LRRC37A2: variants seen among roughly 807,000 people sequenced by gnomAD.
LRRC37A2 encodes leucine-rich repeat-containing protein 37A2.
In LRRC37A2, 9 loss-of-function variants were observed where a neutral mutation model predicts 68.8. That is an observed-to-expected ratio of 0.13 (90% CI 0.08 to 0.23). The LOEUF is 0.23. Ranked by LOEUF, LRRC37A2 falls within the 10% of genes least tolerant of loss-of-function variation. The pLI, the probability that LRRC37A2 is intolerant of heterozygous loss-of-function variation, is 1.00. For synonymous variants in LRRC37A2, 63 were observed against 367.6 expected (o/e 0.17, Z 9.48); for missense variants, 168 against 950.4 (o/e 0.18, Z 10.82).
At chr17:46,859,049 T>C in the LRRC37A2 span, among the ~76,000 whole-genome samples, 1 of 150,878 alleles carries the variant, frequency 6.6e-6, no homozygotes, top group Non-Finnish European at 1.5e-5. Context: ...TGATCTCGGC[T>C]CACTGCAACC....
At chr17:46,530,020 GTTGT>G (rs2053430352) in intron 6 of LRRC37A2, among the ~76,000 whole-genome samples, 2 of 146,434 alleles carry the variant, frequency 1.4e-5, no homozygotes, top group African/African-American at 5.1e-5. Context: ...ACTTTGCCAA[GTTGT>G]TTGGCTACAT....
the LRRC37A2 span, among the ~76,000 whole-genome samples, chr17:46,975,920 A>AGTT: frequency 3.2e-4 from 49 of 151,782 alleles, 1 homozygote; most frequent in Middle Eastern, 6.8e-3. Flanking sequence ...AAATGATAAA[A>AGTT]GTTGTTGTTG....
the LRRC37A2 span, among the ~76,000 whole-genome samples, chr17:46,915,031 A>G: frequency 6.6e-6 from 1 of 152,302 alleles, no homozygotes; most frequent in African/African-American, 2.4e-5. Context: ...TTGGTTATCT[A>G]TTGCTGCATA....
At chr17:46,575,606 A>C in the LRRC37A2 span, among the ~76,000 whole-genome samples, 8 of 110,940 alleles carry the variant, frequency 7.2e-5, no homozygotes, top group Admixed American at 4.5e-4. Flanking sequence ...TTGCCAAGCA[A>C]ATGGGGTTAA....
At chr17:46,818,410 G>T in the LRRC37A2 span, 3 of 1,125,636 alleles carry the variant, frequency 2.7e-6, no homozygotes, top group Admixed American at 2.0e-5. Context: ...GGAGGGAGGC[G>T]AGGAGAGGAG....
the LRRC37A2 span, chr17:46,931,981 C>G: frequency 8.4e-7 from 1 of 1,187,082 alleles, no homozygotes. Context: ...AAGGAAACGC[C>G]GTCTTTCCTC....
chr17:47,022,168 C>CTTTTTTTTTTTTTT, the LRRC37A2 span, among the ~76,000 whole-genome samples: 3 of 19,722 alleles, frequency 1.5e-4, no homozygotes, highest in East Asian at 3.1e-3. Context: ...TTTTTGTTCT[C>CTTTTTTTTTTTTTT]TTTTTTTTTT....
chr17:46,888,558 G>A, the LRRC37A2 span, among the ~76,000 whole-genome samples: 3 of 152,206 alleles, frequency 2.0e-5, no homozygotes, highest in South Asian at 6.2e-4. Context: ...ATCCAATCCT[G>A]GGTACAGGAG....
At chr17:46,915,933 GCTA>G in the LRRC37A2 span, among the ~76,000 whole-genome samples, 1 of 152,208 alleles carries the variant, frequency 6.6e-6, no homozygotes, top group African/African-American at 2.4e-5. Context: ...AGAACTCTGG[GCTA>G]CTAACAGTTC....
the LRRC37A2 span, among the ~76,000 whole-genome samples, chr17:46,788,132 C>T: frequency 0.13 from 19,531 of 152,152 alleles, 1,742 homozygotes; most frequent in Middle Eastern, 0.21. Flanking sequence ...AGGTGACATT[C>T]GAGCTGGGCC....
At chr17:47,033,186 C>A in the LRRC37A2 span, 2 of 591,096 alleles carry the variant, frequency 3.4e-6, no homozygotes, top group East Asian at 5.6e-5. Context: ...CACTGCACTG[C>A]ACTCCAGCCT....
At chr17:47,030,930 A>C in the LRRC37A2 span, among the ~76,000 whole-genome samples, 121 of 152,212 alleles carry the variant, frequency 7.9e-4, 1 homozygote, top group Admixed American at 7.9e-3. Context: ...AATTGAATAG[A>C]GCCTAACCTT....
the LRRC37A2 span, among the ~76,000 whole-genome samples, chr17:46,774,105 C>T: frequency 6.6e-6 from 1 of 152,266 alleles, no homozygotes; most frequent in Non-Finnish European, 1.5e-5. Flanking sequence ...GCAAGTCAGC[C>T]CTCTGGCTGC....
chr17:46,820,652 A>G, the LRRC37A2 span, among the ~76,000 whole-genome samples: 1 of 152,132 alleles, frequency 6.6e-6, no homozygotes, highest in Non-Finnish European at 1.5e-5. Flanking sequence ...GAGGGTTACC[A>G]TTGCCATGAA....
At chr17:46,775,133 G>A in the LRRC37A2 span, among the ~76,000 whole-genome samples, 3 of 152,234 alleles carry the variant, frequency 2.0e-5, no homozygotes, top group African/African-American at 4.8e-5. Context: ...ACAGGGCCGA[G>A]CCAAACATCT....
At chr17:46,872,527 C>A in the LRRC37A2 span, 19 of 1,542,780 alleles carry the variant, frequency 1.2e-5, no homozygotes, top group Non-Finnish European at 1.6e-5. Context: ...CCTGACCGGG[C>A]GGGAAGTCCT....
chr17:46,847,156 T>A, the LRRC37A2 span, among the ~76,000 whole-genome samples: 3 of 152,230 alleles, frequency 2.0e-5, no homozygotes, highest in Admixed American at 2.0e-4. Flanking sequence ...GCAGCCCCTA[T>A]TAACATTTTG....
chr17:47,001,825 G>A, the LRRC37A2 span, among the ~76,000 whole-genome samples: 1 of 147,602 alleles, frequency 6.8e-6, no homozygotes, highest in Non-Finnish European at 1.5e-5. Flanking sequence ...AGGTTCAACA[G>A]ATTCTCCTGC....
At chr17:46,892,366 G>A in the LRRC37A2 span, among the ~76,000 whole-genome samples, 4 of 152,074 alleles carry the variant, frequency 2.6e-5, no homozygotes, top group African/African-American at 7.2e-5. Flanking sequence ...CATCCCCTGA[G>A]CCAAATCACC....
Sources: allele counts gnomAD v4.1 joint callset (sites outside exome capture counted in the v4.1 genomes callset), GRCh38; gene constraint gnomAD v4.1.1; transcripts MANE v1.5; gene names NCBI Gene and HGNC (gene_info 2026-07-23, HGNC 2026-07-21).